PPP1R36: variants seen among roughly 807,000 people sequenced by gnomAD.
PPP1R36 encodes protein phosphatase 1 regulatory subunit 36, also known as chromosome 14 open reading frame 50.
In PPP1R36, 47 loss-of-function variants were observed where a neutral mutation model predicts 53.4. The ratio of observed to expected loss-of-function variants is 0.88; its 90% confidence interval spans 0.70 to 1.12. The LOEUF is 1.12. Among genes scored for constraint, PPP1R36 ranks in the 50% most tolerant of loss-of-function variants. The probability of loss-of-function intolerance (pLI) is 0.00; values close to 1 mark genes in which losing one functional copy is unlikely to be tolerated. For synonymous variants in PPP1R36, 153 were observed against 170.5 expected, an observed-to-expected ratio of 0.90 and a Z score of 0.80; for missense variants, 456 against 513.9, an observed-to-expected ratio of 0.89 and a Z score of 1.09.
intron 3 of PPP1R36, 90 bp from the exon 4 acceptor site, chr14:64,564,661 T>C: frequency 1.2e-6 from 1 of 813,670 alleles, no homozygotes; most frequent in Non-Finnish European, 2.0e-6. Flanking sequence ...TGATAATATA[T>C]GCTAGTCCAA....
intron 7 of PPP1R36, among the ~76,000 whole-genome samples, chr14:64,574,201 C>T (rs148381027): frequency 1.5e-4 from 23 of 151,884 alleles, no homozygotes; most frequent in South Asian, 8.3e-4. Context: ...AGAGTGAGAC[C>T]CTGCCTCTAC....
rs538204954 is a variant in PPP1R36, at chr14:64,571,419, G to A, written c.533+2972G>A. On this transcript the variant is annotated intron_variant, in intron 7 of 11. Transcript: ENST00000298705. ...TGGGATTATAAGCCTGAGCCACCGT[G>A]CCCAGCCTGTATGTACTTTTAAACA... Among the ~76,000 whole-genome samples, 29 of 152,192 alleles carry A rather than the reference G, an allele frequency of 1.9e-4. No homozygotes were observed. In the East Asian group the frequency reaches 5.6e-3, roughly 29 times the overall value.
intron 8 of PPP1R36, among the ~76,000 whole-genome samples, chr14:64,583,615 G>A (rs1234748623): frequency 6.6e-6 from 1 of 151,918 alleles, no homozygotes; most frequent in Non-Finnish European, 1.5e-5. Context: ...AGGAGTTTGA[G>A]ACAGCCATGA....
At chr14:64,572,668 G>T (rs1038231105) in intron 7 of PPP1R36, among the ~76,000 whole-genome samples, 13 of 152,256 alleles carry the variant, frequency 8.5e-5, no homozygotes, top group African/African-American at 2.9e-4. Flanking sequence ...TTGGAGAGAG[G>T]GTTGCACTGG....
At chr14:64,564,052 G>T (rs555791122) in intron 3 of PPP1R36, among the ~76,000 whole-genome samples, 1 of 152,334 alleles carries the variant, frequency 6.6e-6, no homozygotes, top group African/African-American at 2.4e-5. Context: ...AGATTTGTTT[G>T]TTGTTTAATT....
At chr14:64,551,574 A>C (rs2080094010) in intron 2 of PPP1R36, 4 of 456,166 alleles carry the variant, frequency 8.8e-6, no homozygotes, top group African/African-American at 2.0e-5. Context: ...AGATATTTGC[A>C]TATTTTTCCA....
chr14:64,572,833 C>T (rs866003032), intron 7 of PPP1R36, among the ~76,000 whole-genome samples: 33 of 152,326 alleles, frequency 2.2e-4, no homozygotes, highest in African/African-American at 7.7e-4. Context: ...ATATTAGCTA[C>T]TGGCAGCTCT....
intron 4 of PPP1R36, 135 bp from the exon 5 acceptor site, chr14:64,565,222 G>A (rs1053767495): frequency 4.2e-5 from 26 of 614,118 alleles, no homozygotes; most frequent in African/African-American, 2.8e-4. Flanking sequence ...CAAAATGATC[G>A]TACATCAAAC....
At chr14:64,552,258 G>A (rs537146394) in intron 2 of PPP1R36, among the ~76,000 whole-genome samples, 1 of 152,266 alleles carries the variant, frequency 6.6e-6, no homozygotes, top group East Asian at 1.9e-4. Context: ...GGAGGCTGAG[G>A]CGGGCAGATC....
Position 64,587,382 on chromosome 14 carries a change from T to C in PPP1R36, c.890+10T>C, listed in dbSNP as rs1245578693. ...CTTTTGTTCAGTTCAGGTATGACCT[T>C]TTGACTTTCCTATGCTCAGGGGTAT... On this transcript the variant is annotated intron_variant, in intron 10 of 11. Transcript: ENST00000298705. The C allele has an allele frequency of 3.2e-6, 5 of 1,563,856 alleles. No homozygotes were observed. The highest frequency in any genetic ancestry group is 4.3e-6 in the Non-Finnish European group (5 of 1,152,162).
In PPP1R36 at chr14:64,584,711, T is replaced by C. The variant is rs2080417101; in HGVS notation, c.669-2126T>C. ...CAGGATCTGTCCCTAATTAGATATATGTCTTTGGACTTAAGTCTCAACTTT... is the reference window on the plus strand; with the variant it reads ...CAGGATCTGTCCCTAATTAGATATACGTCTTTGGACTTAAGTCTCAACTTT... On this transcript the variant is annotated intron_variant, in intron 8 of 11. Transcript: ENST00000298705. 3.3e-5 allele frequency among the ~76,000 whole-genome samples: 5 copies of C among 152,338 alleles called. No homozygotes were observed. In the South Asian group the frequency reaches 1.0e-3, roughly 32 times the overall value.
intron 8 of PPP1R36, among the ~76,000 whole-genome samples, chr14:64,584,930 T>G (rs2080419104): frequency 6.6e-6 from 1 of 152,222 alleles, no homozygotes; most frequent in Non-Finnish European, 1.5e-5. Flanking sequence ...TTCACTCTAA[T>G]TGCTATTGCC....
At chr14:64,565,817 C>T in intron 6 of PPP1R36, 125 bp downstream of exon 6, 3 of 704,736 alleles carry the variant, frequency 4.3e-6, no homozygotes, top group South Asian at 3.5e-5. Flanking sequence ...GCAAGCCATC[C>T]TCTCAGGACC....
rs28524766 is a variant in PPP1R36, at chr14:64,576,663, G to A, written c.668+2074G>A. The stretch of plus-strand genomic sequence containing the variant: ...CTCTTGCACCCCTGTTTCTATAGTG[G>A]TGGATGTCCTCGATCCACTTCCAAG... On this transcript the variant is annotated intron_variant, in intron 8 of 11. Coordinates refer to ENST00000298705, the MANE Select transcript of PPP1R36 (RefSeq NM_172365.3). 2.9e-3 allele frequency among the ~76,000 whole-genome samples: 440 copies of A among 152,222 alleles called. 3 individuals are homozygous for A. Among genetic ancestry groups the A allele is most frequent in the African/African-American group, 0.01 (416 of 41,538 alleles).
intron 11 of PPP1R36, 107 bp downstream of exon 11, chr14:64,588,402 T>C (rs2080454919): frequency 3.1e-6 from 3 of 975,220 alleles, no homozygotes; most frequent in Non-Finnish European, 4.5e-6. Context: ...AATCGAGCCA[T>C]GATGACAGCC....
intron 8 of PPP1R36, among the ~76,000 whole-genome samples, chr14:64,585,009 G>C (rs143863312): frequency 6.6e-6 from 1 of 152,188 alleles, no homozygotes; most frequent in Non-Finnish European, 1.5e-5. Context: ...TAGGAGGGGA[G>C]GGGCAGGCCC....
At chr14:64,553,050 C>T (rs1057036908) in intron 3 of PPP1R36, among the ~76,000 whole-genome samples, 189 bp downstream of exon 3, 1 of 152,122 alleles carries the variant, frequency 6.6e-6, no homozygotes, top group African/African-American at 2.4e-5. Flanking sequence ...TGGCTCACTA[C>T]AGCCTTGACT....
intron 3 of PPP1R36, 33 bp from the exon 4 acceptor site, chr14:64,564,718 G>T: frequency 6.9e-7 from 1 of 1,457,942 alleles, no homozygotes; most frequent in East Asian, 2.3e-5. Context: ...CCTGGAAAAG[G>T]TGAAGTCCCT....
At chr14:64,551,896 C>G (rs2080096521) in intron 2 of PPP1R36, among the ~76,000 whole-genome samples, 1 of 152,104 alleles carries the variant, frequency 6.6e-6, no homozygotes, top group African/African-American at 2.4e-5. Flanking sequence ...CTGCTAGATT[C>G]AAGCAGAGGA....
Sources: gnomAD v4.1 joint callset for allele counts (sites outside exome capture counted in the v4.1 genomes callset) on GRCh38, gnomAD v4.1.1 for gene constraint, MANE v1.5 for transcripts, NCBI Gene and HGNC (gene_info 2026-07-23, HGNC 2026-07-21) for gene names.